The following NOMO3 variants were observed in gnomAD, a reference collection of about 807,000 sequenced individuals.
NOMO3 encodes NODAL modulator 3.
In NOMO3, 15 loss-of-function variants were observed where a neutral mutation model predicts 69.9. The observed-to-expected ratio is 0.21, with a 90% CI of 0.14 to 0.33. The LOEUF (loss-of-function observed/expected upper bound fraction) is 0.33. Ranked by LOEUF, NOMO3 falls within the 10% of genes least tolerant of loss-of-function variation. NOMO3 has a pLI of 1.00. For synonymous variants in NOMO3, 89 were observed against 301.9 expected (o/e 0.29, Z 7.31); for missense variants, 218 against 761.0 (o/e 0.29, Z 8.39).
At chr16:16,237,767 C>G (rs1398385168) in intron 2 of NOMO3, among the ~76,000 whole-genome samples, 1 of 144,090 alleles carries the variant, frequency 6.9e-6, no homozygotes, top group Non-Finnish European at 1.5e-5. Context: ...CTAGGCTGGT[C>G]TCGAACTCCT....
Position 16,256,095 on chromosome 16 carries a change from T to C in NOMO3, c.1157T>C (p.Phe386Ser). Residue 386 changes from phenylalanine (F) to serine (S), a missense_variant, in exon 11 of 31, where the codon TTT becomes TCT. Physicochemically the swap from Phe to Ser is radical, Grantham distance 155 (BLOSUM62 -2). Transcript: ENST00000399336. ...TIHAQKEHLY[F>S]ETVTIKIAPN... ...CATGCTCAGAAAGAGCACCTCTACT[T>C]TGAAACGGTCACCATCAAAATTGCA... 1 of 1,586,098 alleles carries C rather than the reference T, an allele frequency of 6.3e-7. No individual in the cohort carries two copies. Among genetic ancestry groups the C allele is most frequent in the Non-Finnish European group, 8.5e-7 (1 of 1,174,552 alleles).
At chr16:16,255,658 G>A in intron 9 of NOMO3, 62 bp from the exon 10 acceptor site, 1 of 1,547,380 alleles carries the variant, frequency 6.5e-7, no homozygotes, top group Non-Finnish European at 8.7e-7. Flanking sequence ...CGCAGCAGAA[G>A]GAGGCTTTGT....
At chr16:16,244,459 G>A (rs1303601922) in intron 4 of NOMO3, among the ~76,000 whole-genome samples, 1 of 103,914 alleles carries the variant, frequency 9.6e-6, no homozygotes, top group Admixed American at 9.4e-5. Context: ...GATTACAGGC[G>A]TGTGCCACCT....
intron 1 of NOMO3, among the ~76,000 whole-genome samples, chr16:16,235,003 C>T (rs540365112): frequency 1.3e-5 from 2 of 152,146 alleles, no homozygotes; most frequent in Non-Finnish European, 2.9e-5. Flanking sequence ...CCTAACCGGT[C>T]TAGTCTGGTG....
intron 2 of NOMO3, among the ~76,000 whole-genome samples, chr16:16,237,695 T>C (rs915331675): frequency 4.2e-5 from 6 of 143,862 alleles, no homozygotes; most frequent in East Asian, 2.2e-4. Flanking sequence ...ATTACAGGCA[T>C]CTGCCACTAC....
intron 14 of NOMO3, among the ~76,000 whole-genome samples, chr16:16,264,737 G>A (rs2049594293): frequency 7.2e-6 from 1 of 139,098 alleles, no homozygotes; most frequent in African/African-American, 2.9e-5. Context: ...TAGTAGAGAT[G>A]GGGTTTTGCT....
In NOMO3 at chr16:16,238,651, A is replaced by G. The variant is rs1160502655; in HGVS notation, c.256-1200A>G. On this transcript the variant is annotated intron_variant, in intron 2 of 30. Transcript: ENST00000399336. Reference sequence around the variant, plus strand: ...ATTTTAAAATAATAGTAATTTTAACATAACACACCAGGAAATATTCTTGAA... The same window carrying G: ...ATTTTAAAATAATAGTAATTTTAACGTAACACACCAGGAAATATTCTTGAA... Among the ~76,000 whole-genome samples, 3 of 143,180 alleles carry G rather than the reference A, an allele frequency of 2.1e-5. 1 individual carries two copies. The highest frequency in any genetic ancestry group is 8.6e-5 in the African/African-American group (3 of 35,036). The allele number at this position is 143,180 out of a possible 152,430, so 93.9% of individuals were successfully genotyped here.
rs867368549 is a variant in NOMO3 at position 16,265,674 on chromosome 16, T to G, written c.1806+495T>G. 5.3e-3 allele frequency among the ~76,000 whole-genome samples: 131 copies of G among 24,576 alleles called. 1 individual carries two copies. The highest frequency in any genetic ancestry group is 9.0e-3 in the East Asian group (4 of 442). The allele number at this position is 24,576 out of a possible 152,430, so 16.1% of individuals were successfully genotyped here. On this transcript the variant is annotated intron_variant, in intron 15 of 30. Transcript: ENST00000399336. ...TATATATATATATATATATATATTTTTTTTTTTTTTTTTTTTTTTTTTTTG... is the reference window on the plus strand; with the variant it reads ...TATATATATATATATATATATATTTGTTTTTTTTTTTTTTTTTTTTTTTTG...
chr16:16,250,556 C>T (rs1384836775), intron 6 of NOMO3, among the ~76,000 whole-genome samples: 5 of 122,372 alleles, frequency 4.1e-5, no homozygotes, highest in South Asian at 3.0e-4. Context: ...GAGGCTGAGG[C>T]GGGCGGATCA....
At chr16:16,263,378 G>A (rs2049581188) in intron 13 of NOMO3, 135 bp from the exon 14 acceptor site, 1 of 1,567,874 alleles carries the variant, frequency 6.4e-7, no homozygotes, top group Non-Finnish European at 8.6e-7. Context: ...CTTGAAAGAA[G>A]CGCTCCGTCT....
rs939072045 is a variant in NOMO3 at position 16,240,174 on chromosome 16, G to A, written c.301+278G>A. The stretch of plus-strand genomic sequence containing the variant: ...TTGCAGTTTCACTCATTACGTGGCC[G>A]TGGAACAGTATAGAAATCAAGAGTG... On this transcript the variant is annotated intron_variant, in intron 3 of 30. Coordinates refer to ENST00000399336, the MANE Select transcript of NOMO3 (RefSeq NM_001004067.4). Among the ~76,000 whole-genome samples the A allele has an allele frequency of 1.1e-4, 16 of 144,488 alleles. 3 individuals carry two copies. Among genetic ancestry groups the A allele is most frequent in the African/African-American group, 2.2e-4 (8 of 36,036 alleles). The allele number at this position is 144,488 out of a possible 152,430, so 94.8% of individuals were successfully genotyped here.
At chr16:16,250,248 G>A (rs2049451473) in intron 6 of NOMO3, among the ~76,000 whole-genome samples, 1 of 144,518 alleles carries the variant, frequency 6.9e-6, no homozygotes, top group Non-Finnish European at 1.5e-5. Context: ...AAACCTTTAG[G>A]CCAAACTTAA....
intron 15 of NOMO3, among the ~76,000 whole-genome samples, chr16:16,265,672 T>A (rs7196265): frequency 0.11 from 2,679 of 25,454 alleles, 1 homozygote; most frequent in South Asian, 0.14. Flanking sequence ...ATATATATAT[T>A]TTTTTTTTTT....
intron 9 of NOMO3, among the ~76,000 whole-genome samples, chr16:16,252,924 C>A (rs2049476629): frequency 7.4e-6 from 1 of 135,650 alleles, no homozygotes; most frequent in South Asian, 2.4e-4. Context: ...GCCATTGCCT[C>A]CAGGGTTCAA....
intron 1 of NOMO3, among the ~76,000 whole-genome samples, chr16:16,233,502 G>GTT (rs1300616875): frequency 0.042 from 3,934 of 92,748 alleles, 232 homozygotes; most frequent in South Asian, 0.07. Context: ...TGTGCTGAAG[G>GTT]TTTTTTTTTT....
intron 1 of NOMO3, among the ~76,000 whole-genome samples, chr16:16,234,461 A>G (rs13335652): frequency 0.026 from 3,545 of 137,748 alleles, 56 homozygotes; most frequent in African/African-American, 0.045. Context: ...TCATTCTTTC[A>G]TAAGTAATTC....
Position 16,232,671 on chromosome 16 carries a change from T to C in NOMO3, c.5T>C (p.Leu2Pro), listed in dbSNP as rs926039815. The C allele has an allele frequency of 1.1e-5, 9 of 807,458 alleles. No homozygotes were observed. Among genetic ancestry groups the C allele is most frequent in the African/African-American group, 2.0e-5 (1 of 49,918 alleles). The allele number at this position is 807,458 out of a possible 1,614,324, so 50.0% of individuals were successfully genotyped here. A position where few individuals can be genotyped will look rare whatever the true frequency, so the allele number is the denominator to read the frequency against. Residue 2 changes from leucine (L) to proline (P), a missense_variant, in exon 1 of 31, where the codon CTG becomes CCG. Physicochemically the swap from Leu to Pro is moderately conservative, Grantham distance 98. Coordinates refer to ENST00000399336, the MANE Select transcript of NOMO3 (RefSeq NM_001004067.4). ...CTAGCTGGGGGAGGTCGGGCCATGC[T>C]GGTGGGCCAGGGCGCGGGGCCGCTG... M[L>P]VGQGAGPLGP...
intron 1 of NOMO3, among the ~76,000 whole-genome samples, chr16:16,236,337 T>C (rs1286696177): frequency 2.1e-5 from 3 of 142,684 alleles, no homozygotes. Context: ...CTCCGCCTCC[T>C]GAGTTCAAAC....
chr16:16,251,581 G>A (rs551492031), intron 7 of NOMO3: 3,420 of 292,890 alleles, frequency 0.012, 112 homozygotes, highest in Middle Eastern at 0.021. Flanking sequence ...GCAGTGGTAT[G>A]TGATGGAAAG....
Sources: allele counts gnomAD v4.1 joint callset (sites outside exome capture counted in the v4.1 genomes callset), GRCh38; gene constraint gnomAD v4.1.1; transcripts MANE v1.5; gene names NCBI Gene and HGNC (gene_info 2026-07-23, HGNC 2026-07-21).